LMX1A: variants seen among roughly 807,000 people sequenced by gnomAD.
The protein encoded by LMX1A is LIM homeobox transcription factor 1-alpha.
A neutral mutation model predicts 49.1 loss-of-function variants in LMX1A; 15 were observed. That is an observed-to-expected ratio of 0.31 (90% CI 0.20 to 0.47). The LOEUF (loss-of-function observed/expected upper bound fraction) is 0.47. Among genes scored for constraint, LMX1A ranks in the 20% least tolerant of loss-of-function variants. LMX1A has a pLI of 1.00. For synonymous variants in LMX1A, 167 were observed against 185.7 expected (o/e 0.90, Z 0.82); for missense variants, 372 against 475.8 (o/e 0.78, Z 2.03).
In LMX1A at chr1:165,205,954, G is replaced by A. The variant is rs377473482; in HGVS notation, c.898C>T (p.Leu300=). 1.2e-6 allele frequency: 2 copies of A among 1,613,836 alleles called. No homozygotes were observed. The highest frequency in any genetic ancestry group is 1.7e-5 in the Admixed American group (1 of 59,986). The change falls in exon 8 of 9, where the codon CTG becomes TTG. Residue 300 remains leucine (L), a synonymous_variant. Transcript: ENST00000342310. ...YTALPTPQQL[L]AIEQSVYSSD... ...CTGTAGACACTCTGCTCGATGGCCA[G>A]GAGCTGCTGTGGGGTGGGCAGAGCC...
chr1:165,309,959 C>A (rs1389449389), intron 3 of LMX1A, among the ~76,000 whole-genome samples: 1 of 152,230 alleles, frequency 6.6e-6, no homozygotes, highest in Non-Finnish European at 1.5e-5. Flanking sequence ...AATCTTATGG[C>A]ACAAATATTC....
At chr1:165,275,380 T>C (rs985110962) in intron 3 of LMX1A, among the ~76,000 whole-genome samples, 1 of 152,236 alleles carries the variant, frequency 6.6e-6, no homozygotes, top group Non-Finnish European at 1.5e-5. Context: ...CTGGGCTTTG[T>C]TGGAGAGCCC....
intron 3 of LMX1A, among the ~76,000 whole-genome samples, chr1:165,320,922 A>G (rs570474395): frequency 1.0e-3 from 156 of 152,368 alleles, no homozygotes; most frequent in Non-Finnish European, 1.8e-3. Flanking sequence ...CATTATGTCC[A>G]TACTAAAACT....
chr1:165,231,341 C>T (rs2221542), intron 4 of LMX1A, among the ~76,000 whole-genome samples: 151,746 of 151,976 alleles, frequency 1, 75,759 homozygotes, highest in Middle Eastern at 1. Context: ...CGCAACTCTA[C>T]TACCCAGGCT....
chr1:165,259,790 C>T (rs908085007), intron 3 of LMX1A, among the ~76,000 whole-genome samples: 1 of 152,188 alleles, frequency 6.6e-6, no homozygotes, highest in African/African-American at 2.4e-5. Context: ...TGAAAAGGTA[C>T]TCCTCCAGGC....
intron 3 of LMX1A, among the ~76,000 whole-genome samples, chr1:165,262,747 GA>G (rs889826286): frequency 3.6e-4 from 54 of 147,984 alleles, no homozygotes; most frequent in Non-Finnish European, 6.4e-4. Flanking sequence ...TCCCATTTTG[GA>G]AAAAAAAATA....
chr1:165,318,454 T>C (rs1042654561), intron 3 of LMX1A, among the ~76,000 whole-genome samples: 8 of 148,088 alleles, frequency 5.4e-5, no homozygotes, highest in African/African-American at 2.0e-4. Flanking sequence ...TTCAGAGCAT[T>C]TGTTAAGGCA....
intron 3 of LMX1A, among the ~76,000 whole-genome samples, chr1:165,307,695 C>T (rs1014584319): frequency 3.7e-4 from 56 of 152,332 alleles, no homozygotes; most frequent in African/African-American, 5.3e-4. Flanking sequence ...CCCCTACCCA[C>T]GTCAGCTGGT....
rs1252000127 is a variant in LMX1A, at chr1:165,203,370, T to A, written c.*510A>T. On this transcript the variant is annotated 3_prime_UTR_variant, in exon 9 of 9. Coordinates refer to ENST00000342310, the MANE Select transcript of LMX1A (RefSeq NM_177398.4). ...TAACTTAAGTGCATCAAGCATTTCC[T>A]TAAATATAGTTCACACTGAAAATAA... 1 of 152,830 alleles carries A rather than the reference T, an allele frequency of 6.5e-6. No individual in the cohort carries two copies. The highest frequency in any genetic ancestry group is 1.5e-5 in the Non-Finnish European group (1 of 68,168). 9.5% of individuals were successfully genotyped at this position (152,830 alleles called of 1,614,324 possible). A position where few individuals can be genotyped will look rare whatever the true frequency, so the allele number is the denominator to read the frequency against.
chr1:165,260,612 A>T (rs1653405193), intron 3 of LMX1A, among the ~76,000 whole-genome samples: 1 of 152,224 alleles, frequency 6.6e-6, no homozygotes, highest in Non-Finnish European at 1.5e-5. Context: ...AACTAAATTT[A>T]TTCTGAAAAC....
At chr1:165,234,657 A>G (rs1652365665) in intron 4 of LMX1A, among the ~76,000 whole-genome samples, 1 of 152,208 alleles carries the variant, frequency 6.6e-6, no homozygotes, top group Non-Finnish European at 1.5e-5. Flanking sequence ...AGGAATAAAC[A>G]AACAGCCATG....
chr1:165,255,922 G>A (rs1165969050), intron 3 of LMX1A, among the ~76,000 whole-genome samples: 1 of 150,968 alleles, frequency 6.6e-6, no homozygotes, highest in Non-Finnish European at 1.5e-5. Flanking sequence ...GCAGTGAGCC[G>A]AGATCACACC....
chr1:165,306,880 T>C (rs1438026617), intron 3 of LMX1A, among the ~76,000 whole-genome samples: 2 of 152,192 alleles, frequency 1.3e-5, no homozygotes, highest in African/African-American at 2.4e-5. Context: ...GTGTGCGCCA[T>C]ACCACCCTCC....
chr1:165,279,689 T>G, intron 3 of LMX1A, among the ~76,000 whole-genome samples: 1 of 152,200 alleles, frequency 6.6e-6, no homozygotes, highest in East Asian at 1.9e-4. Context: ...AAATTTATCC[T>G]GCTATTAGTG....
At position 165,212,048 on chromosome 1, in the gene LMX1A, A is replaced by G. The variant is rs74118521; in HGVS notation, c.670-1272T>C. Among the ~76,000 whole-genome samples the G allele has an allele frequency of 2.7e-3, 409 of 152,322 alleles. 1 individual carries two copies. Among genetic ancestry groups the G allele is most frequent in the African/African-American group, 9.3e-3 (387 of 41,574 alleles). On this transcript the variant is annotated intron_variant, in intron 5 of 8. Transcript: ENST00000342310. ...TGTAATTTGTCCTAGTGCAAGCCCA[A>G]TTTGGGGGCATTTTACTTTCTACTG...
intron 3 of LMX1A, among the ~76,000 whole-genome samples, chr1:165,256,665 G>A (rs1046434582): frequency 2.0e-5 from 3 of 151,992 alleles, no homozygotes; most frequent in African/African-American, 7.3e-5. Flanking sequence ...TTGCTCCTAA[G>A]GCAGGTTGGA....
At chr1:165,287,900 A>C (rs1478844250) in intron 3 of LMX1A, among the ~76,000 whole-genome samples, 1 of 152,250 alleles carries the variant, frequency 6.6e-6, no homozygotes, top group Non-Finnish European at 1.5e-5. Flanking sequence ...TGTGTAAATC[A>C]AGGTACACTT....
At chr1:165,353,046 G>C (rs778231484) in intron 3 of LMX1A, 30 bp downstream of exon 3, 2 of 1,609,832 alleles carry the variant, frequency 1.2e-6, no homozygotes, top group Non-Finnish European at 1.7e-6. Context: ...GCCAGTGCGC[G>C]GGGAGCGCTG....
intron 3 of LMX1A, among the ~76,000 whole-genome samples, chr1:165,333,449 G>A (rs1029140068): frequency 3.3e-5 from 5 of 152,146 alleles, no homozygotes; most frequent in Non-Finnish European, 4.4e-5. Context: ...ATGAGCCACT[G>A]TGCTAGGCCC....
Sources: gnomAD v4.1 joint callset for allele counts (sites outside exome capture counted in the v4.1 genomes callset) on GRCh38, gnomAD v4.1.1 for gene constraint, MANE v1.5 for transcripts, NCBI Gene and HGNC (gene_info 2026-07-23, HGNC 2026-07-21) for gene names.